Variants in NOVA1 observed in about 807,000 individuals in gnomAD.
The protein encoded by NOVA1 is RNA-binding protein Nova-1.
Under a neutral mutation model 38.0 loss-of-function variants are expected in NOVA1, and 7 were observed. The observed-to-expected ratio is 0.18, with a 90% CI of 0.10 to 0.35. The LOEUF is 0.35. NOVA1 is among the 10% of genes least tolerant of loss of function. NOVA1 has a pLI of 1.00. For missense variants in NOVA1, 460 were observed against 616.0 expected (o/e 0.75, Z 2.68); for synonymous variants, 270 against 232.5 (o/e 1.16, Z -1.47).
chr14:26,447,739 G>A lies in NOVA1; in HGVS notation c.*220C>T. 1 of 558,020 alleles carries A rather than the reference G, an allele frequency of 1.8e-6. No homozygotes were observed. 34.6% of individuals were successfully genotyped at this position (558,020 alleles called of 1,614,324 possible). ...AAACACCTCTGACAAATATACACAA[G>A]CAAAGTATAGAGAACAAAACAGATC... On this transcript the variant is annotated 3_prime_UTR_variant, in exon 5 of 5. Transcript: ENST00000539517.
intron 2 of NOVA1, among the ~76,000 whole-genome samples, chr14:26,526,441 G>A (rs548333544): frequency 1.3e-5 from 2 of 152,030 alleles, no homozygotes; most frequent in East Asian, 3.9e-4. Flanking sequence ...AAAACTCCTT[G>A]GCACTATTTT....
At chr14:26,489,049 C>G (rs1448068687) in intron 2 of NOVA1, among the ~76,000 whole-genome samples, 2 of 151,952 alleles carry the variant, frequency 1.3e-5, no homozygotes, top group African/African-American at 2.4e-5. Context: ...AGGGGAGCAG[C>G]ATTGCAATGG....
intron 2 of NOVA1, among the ~76,000 whole-genome samples, chr14:26,575,395 C>T (rs895364191): frequency 4.6e-5 from 7 of 152,072 alleles, no homozygotes; most frequent in Non-Finnish European, 8.8e-5. Flanking sequence ...TTAGCAAACC[C>T]ACATCATCTT....
intron 2 of NOVA1, among the ~76,000 whole-genome samples, chr14:26,578,833 T>G (rs1184255495): frequency 1.3e-5 from 2 of 152,116 alleles, no homozygotes; most frequent in Non-Finnish European, 2.9e-5. Flanking sequence ...TAGTCATCCC[T>G]AATACAGACT....
chr14:26,528,723 G>C (rs986776749), intron 2 of NOVA1, among the ~76,000 whole-genome samples: 1 of 152,148 alleles, frequency 6.6e-6, no homozygotes, highest in East Asian at 1.9e-4. Flanking sequence ...TTGCAGGAGT[G>C]AACAAGCCAC....
Position 26,464,366 on chromosome 14 carries a change from G to A in NOVA1, c.519+7954C>T, listed in dbSNP as rs144420689. Among the ~76,000 whole-genome samples the A allele has an allele frequency of 9.6e-4, 146 of 152,312 alleles. 4 individuals are homozygous for A. In the East Asian group the frequency reaches 0.023, roughly 24 times the overall value. The stretch of plus-strand genomic sequence containing the variant: ...GCAGCATTCAGTACAGTAACATGCT[G>A]TATAGGTTTGTAGCCTAGGAGCAAC... On this transcript the variant is annotated intron_variant, in intron 4 of 4. Transcript: ENST00000539517.
At chr14:26,558,293 G>A in intron 2 of NOVA1, among the ~76,000 whole-genome samples, 1 of 152,044 alleles carries the variant, frequency 6.6e-6, no homozygotes, top group Middle Eastern at 3.2e-3. Flanking sequence ...TGTACCAACT[G>A]TACCACACTA....
At chr14:26,463,056 CAA>C (rs1883821191) in intron 4 of NOVA1, among the ~76,000 whole-genome samples, 1 of 152,090 alleles carries the variant, frequency 6.6e-6, no homozygotes, top group Non-Finnish European at 1.5e-5. Flanking sequence ...TATTGTATGA[CAA>C]TATTCTAGGC....
intron 2 of NOVA1, among the ~76,000 whole-genome samples, chr14:26,526,917 C>A (rs1469137698): frequency 6.6e-6 from 1 of 152,012 alleles, no homozygotes; most frequent in East Asian, 1.9e-4. Flanking sequence ...CTAATAACTC[C>A]CAAAATACGG....
chr14:26,470,162 T>C (rs1171443727), intron 4 of NOVA1: 7 of 806,608 alleles, frequency 8.7e-6, no homozygotes, highest in Non-Finnish European at 1.1e-5. Context: ...ATATTGACAG[T>C]CCATTAGTTC....
At chr14:26,589,565 C>T (rs1398464330) in intron 2 of NOVA1, among the ~76,000 whole-genome samples, 1 of 151,722 alleles carries the variant, frequency 6.6e-6, no homozygotes, top group Non-Finnish European at 1.5e-5. Flanking sequence ...CATCAATATT[C>T]TAAAAAGATA....
chr14:26,544,453 A>AG (rs1337274268), intron 2 of NOVA1, among the ~76,000 whole-genome samples: 1 of 151,464 alleles, frequency 6.6e-6, no homozygotes, highest in African/African-American at 2.4e-5. Context: ...ATGCACAGTG[A>AG]GGAGGGTGAA....
At chr14:26,525,292 G>C (rs988245525) in intron 2 of NOVA1, among the ~76,000 whole-genome samples, 1 of 152,046 alleles carries the variant, frequency 6.6e-6, no homozygotes, top group Non-Finnish European at 1.5e-5. Flanking sequence ...ATTCCTACAA[G>C]AGCTTTTATC....
chr14:26,544,130 T>C (rs1411933056), intron 2 of NOVA1, among the ~76,000 whole-genome samples: 2 of 151,572 alleles, frequency 1.3e-5, no homozygotes, highest in Non-Finnish European at 3.0e-5. Context: ...AGATAACCCC[T>C]AGGAAAACAT....
chr14:26,479,830 T>C (rs903099428), intron 3 of NOVA1, 147 bp downstream of exon 3: 2 of 745,052 alleles, frequency 2.7e-6, no homozygotes, highest in Admixed American at 3.1e-5. Flanking sequence ...GAGACCTTGA[T>C]AGTCTTTAAA....
intron 2 of NOVA1, among the ~76,000 whole-genome samples, chr14:26,576,590 T>G (rs1340287993): frequency 6.6e-6 from 1 of 151,846 alleles, no homozygotes; most frequent in Non-Finnish European, 1.5e-5. Flanking sequence ...TCATTCACAA[T>G]GTGTGTGTCT....
chr14:26,588,744 T>C (rs1251940773), intron 2 of NOVA1, among the ~76,000 whole-genome samples: 3 of 151,436 alleles, frequency 2.0e-5, no homozygotes, highest in Non-Finnish European at 4.4e-5. Flanking sequence ...TAAGAATTGA[T>C]TAAAAATAGT....
At chr14:26,507,149 C>G (rs1436834192) in intron 2 of NOVA1, among the ~76,000 whole-genome samples, 1 of 152,016 alleles carries the variant, frequency 6.6e-6, no homozygotes, top group Non-Finnish European at 1.5e-5. Context: ...TATGCTATAA[C>G]AAACAAGCAC....
chr14:26,551,802 C>G (rs1450604869), intron 2 of NOVA1, among the ~76,000 whole-genome samples: 1 of 151,942 alleles, frequency 6.6e-6, no homozygotes, highest in Non-Finnish European at 1.5e-5. Context: ...ATCATTTTCT[C>G]TACTCCTTTT....
Sources: allele counts gnomAD v4.1 joint callset (sites outside exome capture counted in the v4.1 genomes callset), GRCh38; gene constraint gnomAD v4.1.1; transcripts MANE v1.5; gene names NCBI Gene and HGNC (gene_info 2026-07-23, HGNC 2026-07-21).